The following CHAF1B variants were observed in gnomAD, a reference collection of about 807,000 sequenced individuals.
CHAF1B encodes CAF-1 subunit B.
CHAF1B carries 10 observed loss-of-function variants against 60.7 expected under a neutral mutation model. The ratio of observed to expected loss-of-function variants is 0.16; its 90% CI spans 0.10 to 0.28. The LOEUF is 0.28. CHAF1B is among the 10% of genes least tolerant of loss of function. The pLI is 1.00. For missense variants in CHAF1B, 558 were observed against 708.4 expected (o/e 0.79, Z 2.41); for synonymous variants, 261 against 266.1 (o/e 0.98, Z 0.19).
chr21:36,401,203 T>C (rs981672777), intron 7 of CHAF1B, among the ~76,000 whole-genome samples: 16 of 150,686 alleles, frequency 1.1e-4, no homozygotes, highest in African/African-American at 3.9e-4. Flanking sequence ...GGAGGTGGAG[T>C]TTGCGGTGAG....
intron 4 of CHAF1B, 30 bp downstream of exon 4, chr21:36,391,698 T>C: frequency 7.3e-7 from 1 of 1,367,768 alleles, no homozygotes; most frequent in Non-Finnish European, 1.0e-6. Flanking sequence ...GGCAGTGATC[T>C]CTGTTTACGA....
At chr21:36,414,260 C>T (rs943418596) in intron 12 of CHAF1B, among the ~76,000 whole-genome samples, 1 of 152,168 alleles carries the variant, frequency 6.6e-6, no homozygotes, top group Non-Finnish European at 1.5e-5. Context: ...ACGAGGAGAG[C>T]TGGGAAGGGG....
chr21:36,410,013 G>A (rs2086265583), intron 10 of CHAF1B, among the ~76,000 whole-genome samples: 1 of 151,242 alleles, frequency 6.6e-6, no homozygotes. Context: ...GCCCAGGCTG[G>A]AGTGCAGTGG....
chr21:36,407,147 C>G lies in CHAF1B; in HGVS notation c.758-1614C>G, dbSNP rs543841666. On this transcript the variant is annotated intron_variant, in intron 8 of 13. Transcript: ENST00000314103. ...CAAAACCCTGTCTCTACTAAAAATA[C>G]AAAAATTAGCCGGGCATGGTGATGC... 5.3e-5 allele frequency among the ~76,000 whole-genome samples: 8 copies of G among 151,970 alleles called. No homozygotes were observed. The East Asian group carries it at 1.6e-3, about 29-fold the overall frequency.
At chr21:36,408,868 T>G in intron 9 of CHAF1B, 38 bp downstream of exon 9, 1 of 1,468,850 alleles carries the variant, frequency 6.8e-7, no homozygotes, top group Non-Finnish European at 9.5e-7. Flanking sequence ...GTTTACATTT[T>G]TTTTAGACGG....
intron 8 of CHAF1B, among the ~76,000 whole-genome samples, chr21:36,403,672 C>T (rs981722942): frequency 2.2e-4 from 33 of 152,128 alleles, no homozygotes; most frequent in African/African-American, 7.7e-4. Context: ...AAAAGGTCAG[C>T]CAAGTAGCAA....
At chr21:36,402,728 A>T (rs1443938999) in intron 7 of CHAF1B, 30 bp from the exon 8 acceptor site, 1 of 1,574,200 alleles carries the variant, frequency 6.4e-7, no homozygotes, top group East Asian at 2.2e-5. Context: ...AAACAAAAAA[A>T]ATAATAAAAA....
Position 36,391,534 on chromosome 21 carries a change from A to T in CHAF1B, c.260-17A>T. ...TGTGGGTGAAGCGTGGATCACTGTT[A>T]CTGAATCACCCTGCAGATGCTGTCA... On this transcript the variant is annotated splice_polypyrimidine_tract_variant and intron_variant, in intron 3 of 13. Transcript: ENST00000314103. The T allele has an allele frequency of 1.4e-6, 2 of 1,472,136 alleles. No individual in the cohort carries two copies. The highest frequency in any genetic ancestry group is 1.9e-6 in the Non-Finnish European group (2 of 1,052,222). The allele number at this position is 1,472,136 out of a possible 1,614,324, so 91.2% of individuals were successfully genotyped here. A position where few individuals can be genotyped will look rare whatever the true frequency, so the allele number is the denominator to read the frequency against.
chr21:36,413,581 T>C (rs1043107023), intron 12 of CHAF1B, among the ~76,000 whole-genome samples: 22 of 152,338 alleles, frequency 1.4e-4, no homozygotes, highest in African/African-American at 5.3e-4. Context: ...CATCCAGGAC[T>C]GTGGCCACTC....
intron 11 of CHAF1B, among the ~76,000 whole-genome samples, chr21:36,412,344 C>T (rs1022954757): frequency 1.3e-5 from 2 of 151,986 alleles, no homozygotes; most frequent in South Asian, 2.1e-4. Flanking sequence ...ATTCAGCCCC[C>T]GTGGCCTGCT....
Position 36,411,592 on chromosome 21 carries a change from G to A in CHAF1B, c.1049G>A (p.Ser350Asn). The part of the protein sequence containing the change: ...YVSNIHYHTL[S>N]DISWSSDGAF... ...TCTAATATACATTACCACACCCTCA[G>A]TGACATTTCATGGTGAGTGGCTGCT... Residue 350 changes from serine to asparagine, a missense_variant, in exon 11 of 14, where the codon AGT becomes AAT. By Grantham distance (46) the Ser-to-Asn change is conservative. Around this residue, in one of 2 missense-constraint regions of CHAF1B, gnomAD observed 325 missense variants for 493.5 expected, o/e 0.66. Coordinates refer to ENST00000314103, the MANE Select transcript of CHAF1B (RefSeq NM_005441.3). 1 of 1,614,034 alleles carries A rather than the reference G, an allele frequency of 6.2e-7. No homozygotes were observed. The highest frequency in any genetic ancestry group is 8.5e-7 in the Non-Finnish European group (1 of 1,179,998).
At chr21:36,391,719 A>G in intron 4 of CHAF1B, 51 bp downstream of exon 4, 1 of 1,153,772 alleles carries the variant, frequency 8.7e-7, no homozygotes, top group Non-Finnish European at 1.3e-6. Flanking sequence ...TGAGTGCATT[A>G]AATGGAATAT....
intron 13 of CHAF1B, chr21:36,415,636 C>A: frequency 1.9e-6 from 1 of 521,274 alleles, no homozygotes; most frequent in Non-Finnish European, 3.5e-6. Flanking sequence ...GGTTTCTCCA[C>A]CTGATGACTG....
At chr21:36,387,771 T>TAG in intron 3 of CHAF1B, 41 bp downstream of exon 3, 1 of 1,609,808 alleles carries the variant, frequency 6.2e-7, no homozygotes, top group Non-Finnish European at 8.5e-7. Context: ...GGGAACCAGA[T>TAG]AGATACCTGT....
In CHAF1B at chr21:36,412,874, G is replaced by T; in HGVS notation, c.1062-10G>T. On this transcript the variant is annotated splice_polypyrimidine_tract_variant and intron_variant, in intron 11 of 13. Transcript: ENST00000314103. ...AAGGTCTGTAACTTTTCCCTGTTTT[G>T]GGGACGAAGGTCCAGCGATGGTGCC... 2 of 1,606,694 alleles carry T rather than the reference G, an allele frequency of 1.2e-6. No homozygotes were observed. The highest frequency in any genetic ancestry group is 1.3e-5 in the African/African-American group (1 of 74,714).
chr21:36,389,797 G>T (rs1353708204), intron 3 of CHAF1B, among the ~76,000 whole-genome samples: 1 of 136,592 alleles, frequency 7.3e-6, no homozygotes, highest in African/African-American at 3.2e-5. Context: ...GTGTGTGTGT[G>T]TGTGCGCGCG....
chr21:36,412,036 G>C (rs1466235175), intron 11 of CHAF1B, among the ~76,000 whole-genome samples: 1 of 151,858 alleles, frequency 6.6e-6, no homozygotes, highest in East Asian at 1.9e-4. Flanking sequence ...CCCCAATTTT[G>C]TTTTTTAAAG....
At chr21:36,414,858 C>A (rs1281849092) in intron 12 of CHAF1B, among the ~76,000 whole-genome samples, 1 of 152,192 alleles carries the variant, frequency 6.6e-6, no homozygotes, top group African/African-American at 2.4e-5. Context: ...AGTGATCTGC[C>A]CGCCTCAGCC....
At chr21:36,387,985 GT>G (rs2086048761) in intron 3 of CHAF1B, among the ~76,000 whole-genome samples, 1 of 151,606 alleles carries the variant, frequency 6.6e-6, no homozygotes. Context: ...CGCCCGGCTA[GT>G]TTTTTTGTGT....
Sources: gnomAD v4.1 joint callset for allele counts (sites outside exome capture counted in the v4.1 genomes callset) on GRCh38, gnomAD v4.1.1 for gene constraint, gnomAD v4.1.1 regional missense constraint, MANE v1.5 for transcripts, NCBI Gene and HGNC (gene_info 2026-07-23, HGNC 2026-07-21) for gene names.